The following NRG1 variants were observed in gnomAD, a reference collection of about 807,000 sequenced individuals.
The protein encoded by NRG1 is neuregulin 1, also known as pro-neuregulin-1, membrane-bound isoform.
A neutral mutation model predicts 63.8 loss-of-function variants in NRG1; 18 were observed. That is an observed-to-expected ratio of 0.28 (90% CI 0.19 to 0.42). The LOEUF is 0.42. Ranked by LOEUF, NRG1 falls within the 10% of genes least tolerant of loss-of-function variation. The probability of loss-of-function intolerance (pLI) is 1.00; values close to 1 mark genes in which losing one functional copy is unlikely to be tolerated. For synonymous variants in NRG1, 302 were observed against 301.3 expected (o/e 1.00, Z -0.02); for missense variants, 762 against 814.7 (o/e 0.94, Z 0.79).
At chr8:32,295,263 A>G (rs1304227095) in intron 1 of NRG1, among the ~76,000 whole-genome samples, 3 of 152,176 alleles carry the variant, frequency 2.0e-5, no homozygotes, top group East Asian at 1.9e-4. Flanking sequence ...AAATTTCCAG[A>G]CTGAAATATG....
chr8:32,149,793 A>G (rs1460818956), intron 1 of NRG1, among the ~76,000 whole-genome samples: 1 of 152,192 alleles, frequency 6.6e-6, no homozygotes, highest in Non-Finnish European at 1.5e-5. Context: ...TTATAGAAAA[A>G]AATTACCTTC....
At chr8:32,355,765 A>G (rs1203539175) in intron 1 of NRG1, among the ~76,000 whole-genome samples, 1 of 152,094 alleles carries the variant, frequency 6.6e-6, no homozygotes, top group Admixed American at 6.5e-5. Context: ...TTTTATTTTA[A>G]TCTTTTGTTT....
At chr8:32,737,076 A>G (rs1268456390) in intron 6 of NRG1, among the ~76,000 whole-genome samples, 1 of 152,210 alleles carries the variant, frequency 6.6e-6, no homozygotes, top group Non-Finnish European at 1.5e-5. Context: ...AAGTTTGGTT[A>G]GTAGAATGCA....
intron 1 of NRG1, among the ~76,000 whole-genome samples, chr8:32,371,959 T>TTTTC (rs144521916): frequency 4.7e-5 from 7 of 149,062 alleles, no homozygotes; most frequent in Admixed American, 6.8e-5. Flanking sequence ...ACCACAATTT[T>TTTTC]TTTCTTTCTT....
chr8:31,687,271 T>C (rs1275957449), intron 1 of NRG1, among the ~76,000 whole-genome samples: 1 of 152,198 alleles, frequency 6.6e-6, no homozygotes, highest in Non-Finnish European at 1.5e-5. Flanking sequence ...ACTAGGTTTC[T>C]TTATTGATGA....
intron 1 of NRG1, among the ~76,000 whole-genome samples, chr8:32,314,049 G>A (rs1857103636): frequency 6.6e-6 from 1 of 152,050 alleles, no homozygotes; most frequent in South Asian, 2.1e-4. Flanking sequence ...TTTGTAATAT[G>A]CATCATCTCA....
intron 1 of NRG1, among the ~76,000 whole-genome samples, chr8:32,279,282 G>C (rs141059185): frequency 1.3e-3 from 205 of 152,278 alleles, no homozygotes; most frequent in African/African-American, 4.8e-3. Flanking sequence ...ATTCCTGCAA[G>C]AGTCCTGTGG....
intron 5 of NRG1, among the ~76,000 whole-genome samples, chr8:32,724,596 G>A (rs1389809733): frequency 6.6e-6 from 1 of 152,136 alleles, no homozygotes; most frequent in Non-Finnish European, 1.5e-5. Flanking sequence ...CAAATAAAGA[G>A]AGCAAAAGGA....
At chr8:31,832,752 G>A (rs574820171) in intron 1 of NRG1, among the ~76,000 whole-genome samples, 78 of 152,212 alleles carry the variant, frequency 5.1e-4, no homozygotes, top group Admixed American at 4.4e-3. Flanking sequence ...GGCTATCATC[G>A]CAATGAAATC....
At chr8:32,757,048 C>G (rs1829813181) in intron 9 of NRG1, among the ~76,000 whole-genome samples, 1 of 152,126 alleles carries the variant, frequency 6.6e-6, no homozygotes, top group South Asian at 2.1e-4. Flanking sequence ...ATCAAACACC[C>G]TTCTCAGTAG....
intron 1 of NRG1, among the ~76,000 whole-genome samples, chr8:31,741,057 GC>G (rs1321017207): frequency 6.6e-6 from 1 of 151,956 alleles, no homozygotes; most frequent in African/African-American, 2.4e-5. Context: ...ATGAAATAAT[GC>G]CCTTTGCAGC....
In NRG1 at chr8:31,640,221, C is replaced by T; in HGVS notation, c.37+790C>T. ...CGGTGCAGGAGCTAGCTCAGCGCGCCGCGGTGGTGATCGAGGGAAAGGTGC... is the reference window on the plus strand; with the variant it reads ...CGGTGCAGGAGCTAGCTCAGCGCGCTGCGGTGGTGATCGAGGGAAAGGTGC... On this transcript the variant is annotated intron_variant, in intron 1 of 10. Transcript: ENST00000519301. The surrounding 1 kb of genome is among the most constrained non-coding windows in gnomAD (Gnocchi z 6.3). The T allele has an allele frequency of 8.6e-7, 1 of 1,162,360 alleles. No individual in the cohort carries two copies. The allele number at this position is 1,162,360 out of a possible 1,614,324, so 72.0% of individuals were successfully genotyped here. A position where few individuals can be genotyped will look rare whatever the true frequency, so the allele number is the denominator to read the frequency against.
intron 1 of NRG1, among the ~76,000 whole-genome samples, chr8:32,347,022 G>A (rs1365856109): frequency 6.6e-6 from 1 of 151,786 alleles, no homozygotes; most frequent in Non-Finnish European, 1.5e-5. Context: ...GTAGAGATGG[G>A]GTTTCACCAT....
chr8:32,320,045 T>G (rs1460082061), intron 1 of NRG1, among the ~76,000 whole-genome samples: 1 of 152,176 alleles, frequency 6.6e-6, no homozygotes, highest in Non-Finnish European at 1.5e-5. Flanking sequence ...TAAGCCCAGG[T>G]CTGCTACTTA....
At chr8:31,989,279 A>C in intron 1 of NRG1, among the ~76,000 whole-genome samples, 1 of 145,880 alleles carries the variant, frequency 6.9e-6, no homozygotes, top group African/African-American at 2.5e-5. Flanking sequence ...AAAAAGAACA[A>C]AACAAAAAAA....
chr8:31,683,588 A>C (rs970709071), intron 1 of NRG1, among the ~76,000 whole-genome samples: 10 of 152,162 alleles, frequency 6.6e-5, no homozygotes, highest in Admixed American at 5.9e-4. Flanking sequence ...AGGGCGGTGA[A>C]ACTATTTTTT....
At chr8:32,291,000 G>A (rs1854131628) in intron 1 of NRG1, among the ~76,000 whole-genome samples, 1 of 152,122 alleles carries the variant, frequency 6.6e-6, no homozygotes, top group Non-Finnish European at 1.5e-5. Context: ...AACCAATGGT[G>A]TAGTTCCCGT....
chr8:32,417,303 T>C (rs2129485874), intron 1 of NRG1, among the ~76,000 whole-genome samples: 1 of 152,274 alleles, frequency 6.6e-6, no homozygotes, highest in South Asian at 2.1e-4. Flanking sequence ...GGTATGTTGA[T>C]CAAAATGCCC....
intron 1 of NRG1, among the ~76,000 whole-genome samples, chr8:32,173,256 G>C (rs1202009973): frequency 1.3e-5 from 2 of 152,038 alleles, no homozygotes; most frequent in Non-Finnish European, 2.9e-5. Context: ...CATAAGTGAA[G>C]GAGAAATAAA....
Sources: gnomAD v4.1 joint callset for allele counts (sites outside exome capture counted in the v4.1 genomes callset) on GRCh38, gnomAD v4.1.1 for gene constraint, Gnocchi (gnomAD v3.1) non-coding constraint, MANE v1.5 for transcripts, NCBI Gene and HGNC (gene_info 2026-07-23, HGNC 2026-07-21) for gene names.